The following SLC24A2 variants were observed in gnomAD, a reference collection of about 807,000 sequenced individuals.
SLC24A2 encodes solute carrier family 24 member 2.
SLC24A2 carries 36 observed loss-of-function variants against 62.0 expected under a neutral mutation model. The observed-to-expected ratio is 0.58, with a 90% confidence interval of 0.44 to 0.77. The LOEUF is 0.77. SLC24A2 is among the 30% of genes least tolerant of loss of function. The pLI, the probability that SLC24A2 is intolerant of heterozygous loss-of-function variation, is 0.00. For missense variants in SLC24A2, 846 were observed against 817.9 expected, an observed-to-expected ratio of 1.03 and a Z score of -0.42; for synonymous variants, 358 against 294.0, an observed-to-expected ratio of 1.22 and a Z score of -2.23.
At chr9:20,036,399 C>T in the SLC24A2 span, among the ~76,000 whole-genome samples, 746 of 150,278 alleles carry the variant, frequency 5.0e-3, 9 homozygotes, top group African/African-American at 0.018. Context: ...GCTATAATTA[C>T]CACATTGTGC....
At chr9:19,805,505 T>G in the SLC24A2 span, among the ~76,000 whole-genome samples, 1 of 152,178 alleles carries the variant, frequency 6.6e-6, no homozygotes. Context: ...TACATATGGT[T>G]GATTCTGTTG....
chr9:20,105,674 G>C, the SLC24A2 span, among the ~76,000 whole-genome samples: 2 of 151,840 alleles, frequency 1.3e-5, no homozygotes, highest in East Asian at 1.9e-4. Context: ...CAACATACCA[G>C]AATCTCCGGG....
At chr9:19,932,632 G>T in the SLC24A2 span, among the ~76,000 whole-genome samples, 1 of 152,132 alleles carries the variant, frequency 6.6e-6, no homozygotes, top group African/African-American at 2.4e-5. Context: ...GGAAGAAGAG[G>T]GCTAGAACTC....
the SLC24A2 span, among the ~76,000 whole-genome samples, chr9:20,195,353 T>C: frequency 7.2e-5 from 11 of 152,316 alleles, no homozygotes; most frequent in African/African-American, 2.2e-4. Context: ...ATATTCCACA[T>C]CTTCAAAAAC....
chr9:19,704,062 C>A (rs1471452342), intron 2 of SLC24A2, among the ~76,000 whole-genome samples: 2 of 152,104 alleles, frequency 1.3e-5, no homozygotes, highest in African/African-American at 4.8e-5. Context: ...ATACTGGGGA[C>A]CCTGTGCAAT....
At chr9:19,892,499 T>C in the SLC24A2 span, among the ~76,000 whole-genome samples, 16 of 152,198 alleles carry the variant, frequency 1.1e-4, no homozygotes, top group African/African-American at 3.6e-4. Context: ...CTATAAATGT[T>C]TGCTGACTGC....
At chr9:20,169,987 A>G in the SLC24A2 span, among the ~76,000 whole-genome samples, 2 of 152,048 alleles carry the variant, frequency 1.3e-5, no homozygotes, top group Admixed American at 6.6e-5. Flanking sequence ...ATAAGCAAAA[A>G]CAATCAGAAC....
At chr9:19,900,750 TTTAGGGC>T in the SLC24A2 span, among the ~76,000 whole-genome samples, 1 of 152,222 alleles carries the variant, frequency 6.6e-6, no homozygotes, top group Non-Finnish European at 1.5e-5. Context: ...ATCTTTATTG[TTTAGGGC>T]TTGTCTGGTG....
At chr9:19,731,020 T>G (rs879868533) in intron 2 of SLC24A2, among the ~76,000 whole-genome samples, 3 of 152,192 alleles carry the variant, frequency 2.0e-5, no homozygotes, top group African/African-American at 7.2e-5. Context: ...TGCTAAGTGA[T>G]AATTGATTTG....
At chr9:20,307,698 G>T in the SLC24A2 span, among the ~76,000 whole-genome samples, 1 of 152,114 alleles carries the variant, frequency 6.6e-6, no homozygotes, top group East Asian at 1.9e-4. Context: ...CCCTTTGTTG[G>T]TCTTCAGCCA....
intron 9 of SLC24A2, among the ~76,000 whole-genome samples, chr9:19,523,782 C>T (rs1367655201): frequency 1.3e-5 from 2 of 152,162 alleles, no homozygotes; most frequent in Non-Finnish European, 2.9e-5. Context: ...GATTTTATAA[C>T]TCAGACATTA....
chr9:19,670,793 A>G (rs1819391672), intron 2 of SLC24A2, among the ~76,000 whole-genome samples: 1 of 152,180 alleles, frequency 6.6e-6, no homozygotes, highest in African/African-American at 2.4e-5. Context: ...AGTTGCTGTC[A>G]CTGCCTAGGT....
the SLC24A2 span, among the ~76,000 whole-genome samples, chr9:20,089,085 C>A: frequency 6.6e-6 from 1 of 152,188 alleles, no homozygotes; most frequent in South Asian, 2.1e-4. Flanking sequence ...AGTAGCAGCT[C>A]TGCAACTCCC....
At chr9:19,912,980 T>C in the SLC24A2 span, among the ~76,000 whole-genome samples, 1 of 152,096 alleles carries the variant, frequency 6.6e-6, no homozygotes, top group South Asian at 2.1e-4. Context: ...TTATTAATAT[T>C]CTCTCCTTCT....
At chr9:19,525,060 G>A (rs1160185412) in intron 9 of SLC24A2, among the ~76,000 whole-genome samples, 2 of 152,156 alleles carry the variant, frequency 1.3e-5, no homozygotes, top group Admixed American at 6.6e-5. Flanking sequence ...ACCTTCTGCT[G>A]TGATTTCTGC....
chr9:20,128,268 G>C, the SLC24A2 span, among the ~76,000 whole-genome samples: 5 of 152,048 alleles, frequency 3.3e-5, no homozygotes, highest in Admixed American at 3.3e-4. Context: ...ATTCTGAATG[G>C]ACTGGTGAGG....
chr9:20,103,690 C>A, the SLC24A2 span, among the ~76,000 whole-genome samples: 5 of 152,158 alleles, frequency 3.3e-5, no homozygotes, highest in Non-Finnish European at 7.3e-5. Context: ...ACACAAAAAA[C>A]CCACCTGTAC....
At chr9:19,835,678 G>A in the SLC24A2 span, among the ~76,000 whole-genome samples, 1 of 152,106 alleles carries the variant, frequency 6.6e-6, no homozygotes, top group Non-Finnish European at 1.5e-5. Context: ...GAGACAGAAA[G>A]TTAACAAGGA....
chr9:19,882,664 T>TA, the SLC24A2 span, among the ~76,000 whole-genome samples: 55,355 of 140,850 alleles, frequency 0.39, 10,941 homozygotes, highest in Non-Finnish European at 0.47. Context: ...ATCTACAGGT[T>TA]AAAAAAAAAA....
Sources: allele counts gnomAD v4.1 joint callset (sites outside exome capture counted in the v4.1 genomes callset), GRCh38; gene constraint gnomAD v4.1.1; transcripts MANE v1.5; gene names NCBI Gene and HGNC (gene_info 2026-07-23, HGNC 2026-07-21).